Variants in MYZAP observed in about 807,000 individuals in gnomAD.
MYZAP encodes the protein GRINL1A complex locus upstream.
A neutral mutation model predicts 69.4 loss-of-function variants in MYZAP; 66 were observed. The observed-to-expected ratio is 0.95, with a 90% CI of 0.78 to 1.17. The LOEUF (loss-of-function observed/expected upper bound fraction) is 1.17, where lower values mean the gene tolerates loss of function less well. Among genes scored for constraint, MYZAP ranks in the 50% most tolerant of loss-of-function variants. MYZAP has a pLI of 0.00. For missense variants in MYZAP, 611 were observed against 556.2 expected (o/e 1.10, Z -0.99); for synonymous variants, 256 against 205.9 (o/e 1.24, Z -2.09).
At chr15:57,668,079 C>G (rs550891204) in intron 11 of MYZAP, among the ~76,000 whole-genome samples, 1 of 152,228 alleles carries the variant, frequency 6.6e-6, no homozygotes, top group Non-Finnish European at 1.5e-5. Flanking sequence ...TGTCCAGCTT[C>G]TTTCACTCAG....
At chr15:57,673,243 C>T (rs1314434853) in intron 11 of MYZAP, among the ~76,000 whole-genome samples, 1 of 152,136 alleles carries the variant, frequency 6.6e-6, no homozygotes, top group Non-Finnish European at 1.5e-5. Context: ...TTTAGGCCCC[C>T]TACCTATAGG....
At chr15:57,661,933 T>C (rs377395069) in intron 11 of MYZAP, among the ~76,000 whole-genome samples, 1 of 152,208 alleles carries the variant, frequency 6.6e-6, no homozygotes, top group African/African-American at 2.4e-5. Flanking sequence ...TCTGTATTAA[T>C]ACATGAGAAA....
rs149598576 is a variant in MYZAP, at chr15:57,657,573, C to A, written c.1120-3877C>A. On this transcript the variant is annotated intron_variant, in intron 10 of 12. Coordinates refer to ENST00000267853, the MANE Select transcript of MYZAP (RefSeq NM_001018100.5). ...TTTTTAGTGTTTGTGTAGTATACTC[C>A]ATGAAATTGATATTTCATAATTTAT... Among the ~76,000 whole-genome samples, 411 of 152,236 alleles carry A rather than the reference C, an allele frequency of 2.7e-3. 2 individuals carry two copies. Among genetic ancestry groups the A allele is most frequent in the African/African-American group, 8.4e-3 (349 of 41,542 alleles).
chr15:57,646,451 G>T, intron 10 of MYZAP: 1 of 1,048,846 alleles, frequency 9.5e-7, no homozygotes, highest in Non-Finnish European at 1.2e-6. Flanking sequence ...GTATTTTTAG[G>T]AACTTGAGTA....
intron 12 of MYZAP, among the ~76,000 whole-genome samples, chr15:57,682,725 T>C (rs1233154595): frequency 6.6e-6 from 1 of 152,186 alleles, no homozygotes; most frequent in Non-Finnish European, 1.5e-5. Context: ...CCACTCTCCA[T>C]TGTGAACTCT....
At chr15:57,619,078 G>A (rs1480469878) in intron 3 of MYZAP, among the ~76,000 whole-genome samples, 9 of 152,224 alleles carry the variant, frequency 5.9e-5, no homozygotes, top group Admixed American at 3.9e-4. Flanking sequence ...GATTGTGGGG[G>A]TTGGCTGGGC....
chr15:57,629,005 C>T (rs1317985686), intron 5 of MYZAP, among the ~76,000 whole-genome samples: 1 of 150,490 alleles, frequency 6.6e-6, no homozygotes, highest in Non-Finnish European at 1.5e-5. Context: ...ATCGCTTGAA[C>T]CTGGGAGGCA....
At chr15:57,600,597 C>T (rs2034347825) in intron 1 of MYZAP, among the ~76,000 whole-genome samples, 2 of 152,068 alleles carry the variant, frequency 1.3e-5, no homozygotes, top group African/African-American at 4.8e-5. Flanking sequence ...CCCATGGGAC[C>T]CCCTTTCTGA....
intron 2 of MYZAP, 75 bp downstream of exon 2, chr15:57,604,430 C>T (rs1017361789): frequency 3.7e-5 from 56 of 1,532,708 alleles, no homozygotes; most frequent in Middle Eastern, 3.4e-4. Flanking sequence ...ATCTCCTAAC[C>T]AGGCCATTCC....
At chr15:57,593,188 G>GCA (rs199705290) in intron 1 of MYZAP, among the ~76,000 whole-genome samples, 28,580 of 113,998 alleles carry the variant, frequency 0.25, 3,360 homozygotes, top group East Asian at 0.37. Flanking sequence ...GTACACAGGC[G>GCA]CACACACACA....
intron 9 of MYZAP, among the ~76,000 whole-genome samples, chr15:57,638,384 A>G (rs1595896333): frequency 6.6e-6 from 1 of 152,264 alleles, no homozygotes; most frequent in Non-Finnish European, 1.5e-5. Flanking sequence ...AACGGGGGAG[A>G]CGGGTATGAC....
intron 10 of MYZAP, chr15:57,648,601 A>C (rs1350320721): frequency 2.8e-6 from 1 of 357,282 alleles, no homozygotes; most frequent in Non-Finnish European, 3.9e-6. Flanking sequence ...CTCAGCAAAT[A>C]ATGATGGTGC....
At chr15:57,615,592 A>G (rs1481717296) in intron 2 of MYZAP, among the ~76,000 whole-genome samples, 1 of 152,192 alleles carries the variant, frequency 6.6e-6, no homozygotes, top group Non-Finnish European at 1.5e-5. Flanking sequence ...CTTGTTTTTT[A>G]GGAACTGGGT....
chr15:57,668,331 G>C (rs779420781), intron 11 of MYZAP, among the ~76,000 whole-genome samples: 4 of 152,252 alleles, frequency 2.6e-5, no homozygotes, highest in Middle Eastern at 3.4e-3. Context: ...CGTAAAAGGA[G>C]GTATAAGTTT....
rs142331309 is a variant in MYZAP, at chr15:57,635,310, C to T, written c.933+1569C>T. ...TGGTTCCTCGTATATAGTAAGGGTTCGATCATTTGTGGCTATGATTTTTAC... is the reference window on the plus strand; with the variant it reads ...TGGTTCCTCGTATATAGTAAGGGTTTGATCATTTGTGGCTATGATTTTTAC... On this transcript the variant is annotated intron_variant, in intron 8 of 12. Transcript: ENST00000267853. 8.0e-3 allele frequency among the ~76,000 whole-genome samples: 1,211 copies of T among 152,298 alleles called. 20 individuals are homozygous for T. The highest frequency in any genetic ancestry group is 0.027 in the African/African-American group (1,140 of 41,556).
chr15:57,655,545 G>C (rs2037971250), intron 10 of MYZAP, among the ~76,000 whole-genome samples: 1 of 151,962 alleles, frequency 6.6e-6, no homozygotes, highest in Non-Finnish European at 1.5e-5. Flanking sequence ...TATGGTTAAG[G>C]ATGATTACTT....
At chr15:57,634,906 G>A (rs1460714851) in intron 8 of MYZAP, among the ~76,000 whole-genome samples, 1 of 152,190 alleles carries the variant, frequency 6.6e-6, no homozygotes, top group Non-Finnish European at 1.5e-5. Context: ...GGCAACAAGG[G>A]AGCTTTCTAG....
chr15:57,679,352 G>GTGTGTGTGTC, intron 12 of MYZAP, among the ~76,000 whole-genome samples: 1 of 36,970 alleles, frequency 2.7e-5, no homozygotes, highest in South Asian at 1.1e-3. Context: ...GTGTGTGTGT[G>GTGTGTGTGTC]TGTGTGTGTG....
At chr15:57,625,573 G>A (rs557882161) in intron 4 of MYZAP, among the ~76,000 whole-genome samples, 1 of 152,302 alleles carries the variant, frequency 6.6e-6, no homozygotes, top group African/African-American at 2.4e-5. Context: ...GGCTAAATGA[G>A]GGTCTGTGAG....
Sources: gnomAD v4.1 joint callset for allele counts (sites outside exome capture counted in the v4.1 genomes callset) on GRCh38, gnomAD v4.1.1 for gene constraint, MANE v1.5 for transcripts, NCBI Gene and HGNC (gene_info 2026-07-23, HGNC 2026-07-21) for gene names.